The following MARCHF8 variants were observed in gnomAD, a reference collection of about 807,000 sequenced individuals.
The protein encoded by MARCHF8 is membrane associated ring-CH-type finger 8.
MARCHF8 carries 40 observed loss-of-function variants against 51.6 expected under a neutral mutation model. That is an observed-to-expected ratio of 0.77 (90% CI 0.60 to 1.01). The LOEUF (loss-of-function observed/expected upper bound fraction) is 1.01. MARCHF8 is among the 50% of genes least tolerant of loss of function. The probability of loss-of-function intolerance (pLI) is 0.00; values close to 1 mark genes in which losing one functional copy is unlikely to be tolerated. For synonymous variants in MARCHF8, 263 were observed against 280.3 expected (o/e 0.94, Z 0.62); for missense variants, 685 against 708.6 (o/e 0.97, Z 0.38).
At chr10:45,517,563 T>C (rs2043640217) in intron 2 of MARCHF8, among the ~76,000 whole-genome samples, 1 of 152,202 alleles carries the variant, frequency 6.6e-6, no homozygotes, top group African/African-American at 2.4e-5. Context: ...ACTCTCCCTC[T>C]GCCTTCTGTA....
chr10:45,540,499 T>C (rs958219255), intron 1 of MARCHF8, among the ~76,000 whole-genome samples: 71 of 152,000 alleles, frequency 4.7e-4, no homozygotes, highest in African/African-American at 1.6e-3. Flanking sequence ...ATTCAGGACA[T>C]AGGCATGGGC....
chr10:45,530,240 G>T (rs1447469925), intron 2 of MARCHF8, among the ~76,000 whole-genome samples: 1 of 152,124 alleles, frequency 6.6e-6, no homozygotes. Flanking sequence ...TGTACACAGG[G>T]GCATAGAGAG....
chr10:45,498,457 C>T (rs1286035055), intron 2 of MARCHF8, among the ~76,000 whole-genome samples: 2 of 151,892 alleles, frequency 1.3e-5, no homozygotes, highest in African/African-American at 2.4e-5. Context: ...CCTCAAGATT[C>T]CTCCGTGTTG....
chr10:45,494,582 G>C (rs1298292541), intron 2 of MARCHF8, among the ~76,000 whole-genome samples: 1 of 152,124 alleles, frequency 6.6e-6, no homozygotes, highest in Non-Finnish European at 1.5e-5. Flanking sequence ...ACACTACTTT[G>C]CAGTTAAGGA....
chr10:45,511,533 G>A (rs529977245), intron 2 of MARCHF8, among the ~76,000 whole-genome samples: 32 of 152,260 alleles, frequency 2.1e-4, no homozygotes, highest in African/African-American at 6.0e-4. Flanking sequence ...TCAGCCTGCC[G>A]AGTGCCTGCG....
At chr10:45,556,404 C>G (rs1330870511) in intron 1 of MARCHF8, among the ~76,000 whole-genome samples, 1 of 152,014 alleles carries the variant, frequency 6.6e-6, no homozygotes, top group African/African-American at 2.4e-5. Context: ...ATGAAAAGAA[C>G]AAGAATGTAC....
chr10:45,484,574 C>T (rs181200157), intron 3 of MARCHF8, among the ~76,000 whole-genome samples: 13 of 152,320 alleles, frequency 8.5e-5, no homozygotes, highest in Non-Finnish European at 1.6e-4. Context: ...TTTCTACACA[C>T]TGCTATCATT....
chr10:45,523,632 C>G (rs1245151921), intron 2 of MARCHF8, among the ~76,000 whole-genome samples: 1 of 152,174 alleles, frequency 6.6e-6, no homozygotes, highest in Non-Finnish European at 1.5e-5. Flanking sequence ...ACCTAGTTGT[C>G]CAATTCACAC....
chr10:45,515,354 C>T (rs962953703), intron 2 of MARCHF8, among the ~76,000 whole-genome samples: 2 of 152,198 alleles, frequency 1.3e-5, no homozygotes, highest in Non-Finnish European at 2.9e-5. Flanking sequence ...TCTGAACTCA[C>T]TGTAAACATC....
At chr10:45,486,116 G>A (rs1326458730) in intron 3 of MARCHF8, among the ~76,000 whole-genome samples, 1 of 152,196 alleles carries the variant, frequency 6.6e-6, no homozygotes, top group Non-Finnish European at 1.5e-5. Flanking sequence ...CTTTGCAACA[G>A]AATTTCACGT....
intron 2 of MARCHF8, among the ~76,000 whole-genome samples, chr10:45,525,846 A>G (rs2043783325): frequency 1.3e-5 from 2 of 152,230 alleles, no homozygotes. Context: ...CCTGATCAGT[A>G]TTCTTCAAAA....
At chr10:45,478,303 G>T (rs1029434903) in intron 3 of MARCHF8, among the ~76,000 whole-genome samples, 4 of 152,190 alleles carry the variant, frequency 2.6e-5, no homozygotes, top group Non-Finnish European at 4.4e-5. Context: ...ACCACTGGGT[G>T]AAGGAAGAAA....
upstream of MARCHF8, among the ~76,000 whole-genome samples, chr10:45,538,740 A>C (rs1038496338): frequency 6.6e-6 from 1 of 152,232 alleles, no homozygotes; most frequent in East Asian, 1.9e-4. Flanking sequence ...ATAATGGTAA[A>C]GGGATCAATT....
intron 3 of MARCHF8, among the ~76,000 whole-genome samples, chr10:45,469,248 C>T (rs1414719274): frequency 6.6e-6 from 1 of 152,134 alleles, no homozygotes; most frequent in Non-Finnish European, 1.5e-5. Flanking sequence ...GATGGAGGGA[C>T]ATGGACTTGT....
chr10:45,539,215 A>G (rs555218332), upstream of MARCHF8, among the ~76,000 whole-genome samples: 20 of 152,362 alleles, frequency 1.3e-4, no homozygotes, highest in East Asian at 3.1e-3. Flanking sequence ...CCCCTGAATG[A>G]CTACTGGGTA....
At chr10:45,460,593 A>G (rs1842755014) in intron 6 of MARCHF8, among the ~76,000 whole-genome samples, 1 of 152,218 alleles carries the variant, frequency 6.6e-6, no homozygotes, top group Admixed American at 6.5e-5. Context: ...CTGGGCATCT[A>G]GAGAGATATA....
chr10:45,539,920 C>G (rs1346566911), upstream of MARCHF8, among the ~76,000 whole-genome samples: 1 of 152,028 alleles, frequency 6.6e-6, no homozygotes, highest in Non-Finnish European at 1.5e-5. Context: ...AGACAGAGAG[C>G]CAAATCATGA....
chr10:45,465,455 TC>T (rs1438764286), intron 3 of MARCHF8, among the ~76,000 whole-genome samples: 2 of 152,120 alleles, frequency 1.3e-5, no homozygotes, highest in East Asian at 3.9e-4. Flanking sequence ...TAGTCCCCAC[TC>T]TTTCTAAGTA....
intron 2 of MARCHF8, among the ~76,000 whole-genome samples, chr10:45,504,645 C>T (rs1166765714): frequency 6.6e-6 from 1 of 152,142 alleles, no homozygotes; most frequent in African/African-American, 2.4e-5. Flanking sequence ...AACAACAAAA[C>T]ACCATACAGT....
Sources: gnomAD v4.1 joint callset for allele counts (sites outside exome capture counted in the v4.1 genomes callset) on GRCh38, gnomAD v4.1.1 for gene constraint, MANE v1.5 for transcripts, NCBI Gene and HGNC (gene_info 2026-07-23, HGNC 2026-07-21) for gene names.